Variants in EPB41L3 observed in about 807,000 individuals in gnomAD.
The protein encoded by EPB41L3 is band 4.1-like protein 3.
A neutral mutation model predicts 127.1 loss-of-function variants in EPB41L3; 57 were observed. That is an observed-to-expected ratio of 0.45 (90% confidence interval 0.36 to 0.56). The LOEUF is 0.56. EPB41L3 is among the 20% of genes least tolerant of loss of function. The probability of loss-of-function intolerance (pLI) is 0.00; values close to 1 mark genes in which losing one functional copy is unlikely to be tolerated. For synonymous variants in EPB41L3, 572 were observed against 549.5 expected (o/e 1.04, Z -0.57); for missense variants, 1,273 against 1,372.2 (o/e 0.93, Z 1.14).
rs1192911846 is a variant in EPB41L3, at chr18:5,569,773, G to A, written c.-306+42567C>T. The stretch of plus-strand genomic sequence containing the variant: ...TCTCCATGGCAACATCTTATAAAGT[G>A]TAGGTATAATTAGTTTGTATTTTAA... On this transcript the variant is annotated intron_variant, in intron 3 of 21. Transcript: ENST00000545076. 2.0e-5 allele frequency among the ~76,000 whole-genome samples: 3 copies of A among 152,182 alleles called. No individual in the cohort carries two copies. In the East Asian group the frequency reaches 5.8e-4, roughly 29 times the overall value.
intron 3 of EPB41L3, among the ~76,000 whole-genome samples, chr18:5,446,748 C>T (rs1028495155): frequency 1.3e-5 from 2 of 151,948 alleles, no homozygotes; most frequent in African/African-American, 2.4e-5. Flanking sequence ...GCTAAATAAT[C>T]GATGATGTAT....
At chr18:5,534,751 T>C (rs1173186053) in intron 1 of EPB41L3, among the ~76,000 whole-genome samples, 1 of 152,104 alleles carries the variant, frequency 6.6e-6, no homozygotes, top group Non-Finnish European at 1.5e-5. Context: ...TGAGAAAACA[T>C]GTACTATGTG....
intron 3 of EPB41L3, among the ~76,000 whole-genome samples, chr18:5,564,902 C>T (rs182931016): frequency 1.3e-5 from 2 of 152,260 alleles, no homozygotes; most frequent in African/African-American, 2.4e-5. Flanking sequence ...AGAACTCTAC[C>T]TGATTCGGCT....
intron 3 of EPB41L3, among the ~76,000 whole-genome samples, chr18:5,582,187 A>G (rs2094399826): frequency 6.6e-6 from 1 of 151,784 alleles, no homozygotes; most frequent in Non-Finnish European, 1.5e-5. Flanking sequence ...ATTGAATCTC[A>G]AGGCAGTGGG....
chr18:5,511,391 G>GT (rs1190047630), intron 1 of EPB41L3, among the ~76,000 whole-genome samples: 1,713 of 59,800 alleles, frequency 0.029, 242 homozygotes, highest in African/African-American at 0.058. Context: ...AGGTATTTTG[G>GT]TTTTTTTTTT....
chr18:5,612,695 T>A (rs2094742144), intron 2 of EPB41L3, among the ~76,000 whole-genome samples: 1 of 152,236 alleles, frequency 6.6e-6, no homozygotes, highest in Non-Finnish European at 1.5e-5. Context: ...GGTGCATAAA[T>A]GAGTTACTGT....
At chr18:5,589,575 TAAAAAG>T (rs2143493474) in intron 3 of EPB41L3, among the ~76,000 whole-genome samples, 1 of 152,336 alleles carries the variant, frequency 6.6e-6, no homozygotes, top group East Asian at 1.9e-4. Flanking sequence ...AAATCTGTTA[TAAAAAG>T]AAAATGTTTG....
At chr18:5,474,909 TA>T (rs2086871901) in intron 3 of EPB41L3, among the ~76,000 whole-genome samples, 2 of 152,218 alleles carry the variant, frequency 1.3e-5, no homozygotes, top group Non-Finnish European at 2.9e-5. Flanking sequence ...AGGCAGTGCG[TA>T]CATCATCACA....
At chr18:5,488,872 G>A in intron 2 of EPB41L3, 129 bp downstream of exon 2, 1 of 1,016,788 alleles carries the variant, frequency 9.8e-7, no homozygotes, top group Admixed American at 3.4e-5. Flanking sequence ...ATTTTCATCT[G>A]CCTGGGGCTA....
intron 1 of EPB41L3, among the ~76,000 whole-genome samples, chr18:5,539,193 C>A (rs984736137): frequency 2.6e-5 from 4 of 151,904 alleles, no homozygotes; most frequent in African/African-American, 9.7e-5. Context: ...AATATATACT[C>A]AAGGCAGGTT....
At chr18:5,540,674 G>A in intron 1 of EPB41L3, 1 of 446,846 alleles carries the variant, frequency 2.2e-6, no homozygotes, top group Non-Finnish European at 3.0e-6. Flanking sequence ...AACTGAAGTG[G>A]TGCTAAAGAT....
intron 3 of EPB41L3, among the ~76,000 whole-genome samples, chr18:5,603,410 G>A (rs947449503): frequency 2.0e-5 from 3 of 152,182 alleles, no homozygotes; most frequent in Admixed American, 6.5e-5. Flanking sequence ...GCATGTTCCC[G>A]TGTTTTGGAA....
At chr18:5,544,036 G>A (rs190510766), upstream of EPB41L3, 255 of 985,544 alleles carry the variant, frequency 2.6e-4, 1 homozygote, top group African/African-American at 4.0e-3. Context: ...GCTGCTCGCC[G>A]CTGTTCCCCC....
chr18:5,516,070 G>A (rs766114562), intron 1 of EPB41L3, among the ~76,000 whole-genome samples: 13 of 152,136 alleles, frequency 8.5e-5, no homozygotes, highest in Non-Finnish European at 1.2e-4. Flanking sequence ...GAGTCCTTAG[G>A]GTAGAAAGAT....
At chr18:5,618,254 GA>G (rs1303895230) in intron 1 of EPB41L3, among the ~76,000 whole-genome samples, 1 of 152,150 alleles carries the variant, frequency 6.6e-6, no homozygotes, top group Non-Finnish European at 1.5e-5. Flanking sequence ...AGAGACTGAA[GA>G]AAAGAAGCAT....
At chr18:5,405,048 A>G (rs1224819227) in intron 16 of EPB41L3, among the ~76,000 whole-genome samples, 1 of 152,220 alleles carries the variant, frequency 6.6e-6, no homozygotes, top group East Asian at 1.9e-4. Context: ...TATTCTGCAT[A>G]AAAGGGTCCT....
At chr18:5,552,620 A>C (rs978973847) in intron 3 of EPB41L3, among the ~76,000 whole-genome samples, 1 of 152,228 alleles carries the variant, frequency 6.6e-6, no homozygotes, top group Non-Finnish European at 1.5e-5. Flanking sequence ...ATACTGGTAC[A>C]TCACGATGCC....
chr18:5,577,303 TTAA>T (rs1344248120), intron 3 of EPB41L3: 5 of 450,730 alleles, frequency 1.1e-5, no homozygotes, highest in South Asian at 1.6e-5. Context: ...CAAGCATACA[TTAA>T]TGTTAGCAAT....
chr18:5,525,109 A>T (rs2093169759), intron 1 of EPB41L3, among the ~76,000 whole-genome samples: 1 of 152,128 alleles, frequency 6.6e-6, no homozygotes, highest in African/African-American at 2.4e-5. Context: ...GACAGGCAAA[A>T]GTGAGAGAAG....
Sources: gnomAD v4.1 joint callset for allele counts (sites outside exome capture counted in the v4.1 genomes callset) on GRCh38, gnomAD v4.1.1 for gene constraint, MANE v1.5 for transcripts, NCBI Gene and HGNC (gene_info 2026-07-23, HGNC 2026-07-21) for gene names.